Variants in RPF2 observed in about 807,000 individuals in gnomAD.
RPF2 encodes the protein brix domain containing 1.
RPF2 carries 21 observed loss-of-function variants against 38.9 expected under a neutral mutation model. The ratio of observed to expected loss-of-function variants is 0.54; its 90% CI spans 0.38 to 0.78. RPF2 has a LOEUF of 0.78. RPF2 is among the 30% of genes least tolerant of loss of function. The probability of loss-of-function intolerance (pLI) is 0.00; values close to 1 mark genes in which losing one functional copy is unlikely to be tolerated. For synonymous variants in RPF2, 121 were observed against 126.2 expected (o/e 0.96, Z 0.28); for missense variants, 314 against 358.1 (o/e 0.88, Z 0.99).
intron 3 of RPF2, 111 bp downstream of exon 3, chr6:110,989,176 C>A: frequency 9.2e-7 from 1 of 1,088,468 alleles, no homozygotes; most frequent in Non-Finnish European, 1.2e-6. Context: ...TATTAAAATT[C>A]CTTACAGTTA....
rs572809361 is a variant in RPF2 at position 111,012,386 on chromosome 6, G to T, written c.494-3368G>T. On this transcript the variant is annotated intron_variant, in intron 7 of 9. Transcript: ENST00000441448. ...GAGGTCTTGCTGCATTGCTTGGGCTGGTCTCAGAGTCCTAGGCTCAAGCAG... is the reference window on the plus strand; with the variant it reads ...GAGGTCTTGCTGCATTGCTTGGGCTTGTCTCAGAGTCCTAGGCTCAAGCAG... Among the ~76,000 whole-genome samples the T allele has an allele frequency of 1.6e-3, 249 of 151,994 alleles. 5 individuals are homozygous for T. The South Asian group carries it at 0.017, about 10-fold the overall frequency.
At chr6:111,015,954 C>T (rs1231822271) in intron 8 of RPF2, 98 bp downstream of exon 8, 2 of 862,920 alleles carry the variant, frequency 2.3e-6, no homozygotes, top group African/African-American at 1.7e-5. Context: ...TGGTATCTGG[C>T]CAAAAGGTTT....
chr6:111,011,779 G>GT (rs1190327324), intron 7 of RPF2, among the ~76,000 whole-genome samples: 1 of 152,078 alleles, frequency 6.6e-6, no homozygotes, highest in African/African-American at 2.4e-5. Context: ...TTGTTTAAAT[G>GT]TTTTTTGTAT....
In RPF2 at chr6:110,991,793, A is replaced by T; in HGVS notation, c.234+7A>T. ...TGAGGATCAGACATCACTGGTAAGTATAATAATCTTTATGATTTAAGAAAG... is the reference window on the plus strand; with the variant it reads ...TGAGGATCAGACATCACTGGTAAGTTTAATAATCTTTATGATTTAAGAAAG... On this transcript the variant is annotated splice_region_variant and intron_variant, in intron 4 of 9. Transcript: ENST00000441448. The T allele has an allele frequency of 8.8e-7, 1 of 1,132,834 alleles. No individual in the cohort carries two copies. The highest frequency in any genetic ancestry group is 2.5e-5 in the Admixed American group (1 of 39,824). The allele number at this position is 1,132,834 out of a possible 1,614,324, so 70.2% of individuals were successfully genotyped here. A position where few individuals can be genotyped will look rare whatever the true frequency, so the allele number is the denominator to read the frequency against.
At chr6:110,997,341 A>C in intron 5 of RPF2, 77 bp downstream of exon 5, 1 of 834,002 alleles carries the variant, frequency 1.2e-6, no homozygotes, top group Non-Finnish European at 2.0e-6. Context: ...ACGGGTCTGC[A>C]GCAACTTGGT....
At chr6:111,010,647 A>G (rs1771996439) in intron 7 of RPF2, among the ~76,000 whole-genome samples, 2 of 152,118 alleles carry the variant, frequency 1.3e-5, no homozygotes, top group Admixed American at 1.3e-4. Context: ...CATGCTTACA[A>G]GCTTATGCTA....
chr6:110,997,409 A>C, intron 5 of RPF2, 145 bp downstream of exon 5: 1 of 586,620 alleles, frequency 1.7e-6, no homozygotes. Context: ...TAAGAGACTG[A>C]GGGAAGTATT....
chr6:110,999,328 A>G (rs1771773496), intron 5 of RPF2, among the ~76,000 whole-genome samples: 1 of 152,166 alleles, frequency 6.6e-6, no homozygotes, highest in Non-Finnish European at 1.5e-5. Flanking sequence ...TTAGAAAAAA[A>G]AATGTATCGA....
At chr6:111,006,314 A>G (rs1174308845) in intron 6 of RPF2, among the ~76,000 whole-genome samples, 2 of 151,680 alleles carry the variant, frequency 1.3e-5, no homozygotes, top group Non-Finnish European at 2.9e-5. Flanking sequence ...GGCTCACTAC[A>G]ACCTCTGTCT....
intron 8 of RPF2, among the ~76,000 whole-genome samples, chr6:111,021,073 G>A (rs1324905611): frequency 6.6e-6 from 1 of 152,122 alleles, no homozygotes; most frequent in African/African-American, 2.4e-5. Flanking sequence ...GGGGGCCAAG[G>A]CAGGAGAATT....
intron 1 of RPF2, among the ~76,000 whole-genome samples, chr6:110,984,697 A>C (rs1289706589): frequency 6.6e-6 from 1 of 151,950 alleles, no homozygotes; most frequent in Non-Finnish European, 1.5e-5. Flanking sequence ...AAAATTACCC[A>C]GGCGTGGTGG....
rs1022978048 is a variant in RPF2, at chr6:111,020,588, G to A, written c.597-3595G>A. Among the ~76,000 whole-genome samples the A allele has an allele frequency of 1.6e-4, 24 of 152,266 alleles. No homozygotes were observed. In the South Asian group the frequency reaches 2.3e-3, roughly 14 times the overall value. ...TAGAGCAAGAATAAACTGGCCCAGC[G>A]TGGTGGCTCATGCCTGTAATCCAGT... On this transcript the variant is annotated intron_variant, in intron 8 of 9. Coordinates refer to ENST00000441448, the MANE Select transcript of RPF2 (RefSeq NM_032194.3).
At chr6:110,994,578 C>A (rs770412674) in intron 4 of RPF2, among the ~76,000 whole-genome samples, 1 of 151,654 alleles carries the variant, frequency 6.6e-6, no homozygotes, top group Non-Finnish European at 1.5e-5. Context: ...AGAGTGAGAC[C>A]TTGTCTCACA....
intron 1 of RPF2, among the ~76,000 whole-genome samples, chr6:110,982,739 T>A (rs572935881): frequency 6.6e-6 from 1 of 152,238 alleles, no homozygotes; most frequent in Non-Finnish European, 1.5e-5. Context: ...AGCCCTGCTG[T>A]TACTTGCTGT....
At chr6:110,988,985 C>G in intron 2 of RPF2, 43 bp from the exon 3 acceptor site, 4 of 1,583,506 alleles carry the variant, frequency 2.5e-6, no homozygotes, top group Non-Finnish European at 3.4e-6. Context: ...TTCTGCTTTT[C>G]AGAATGTGTT....
At chr6:110,985,509 C>T (rs1048696392) in intron 2 of RPF2, among the ~76,000 whole-genome samples, 15 of 152,092 alleles carry the variant, frequency 9.9e-5, no homozygotes, top group African/African-American at 3.4e-4. Flanking sequence ...TCAACAACAC[C>T]GGTTACTGTG....
At chr6:111,010,864 A>C (rs1318846021) in intron 7 of RPF2, among the ~76,000 whole-genome samples, 1 of 152,168 alleles carries the variant, frequency 6.6e-6, no homozygotes, top group African/African-American at 2.4e-5. Context: ...TTAGGGGAAA[A>C]AAAAACACGT....
intron 4 of RPF2, among the ~76,000 whole-genome samples, chr6:110,992,892 C>T (rs565200493): frequency 6.6e-6 from 1 of 152,156 alleles, no homozygotes; most frequent in Admixed American, 6.5e-5. Flanking sequence ...GCTTGGAAAA[C>T]GTAGCGAGAC....
At chr6:110,994,215 C>T (rs562522533) in intron 4 of RPF2, among the ~76,000 whole-genome samples, 7 of 149,698 alleles carry the variant, frequency 4.7e-5, no homozygotes, top group East Asian at 2.0e-4. Context: ...GTGGAGGTTG[C>T]GGTGAGCCAA....
Sources: allele counts gnomAD v4.1 joint callset (sites outside exome capture counted in the v4.1 genomes callset), GRCh38; gene constraint gnomAD v4.1.1; transcripts MANE v1.5; gene names NCBI Gene and HGNC (gene_info 2026-07-23, HGNC 2026-07-21).